ADD2: variants seen among roughly 807,000 people sequenced by gnomAD.
ADD2 encodes the protein adducin 2, also known as beta-adducin.
Under a neutral mutation model 83.0 loss-of-function variants are expected in ADD2, and 23 were observed. That is an observed-to-expected ratio of 0.28 (90% CI 0.20 to 0.39). ADD2 has a LOEUF of 0.39. Among genes scored for constraint, ADD2 ranks in the 10% least tolerant of loss-of-function variants. The probability of loss-of-function intolerance (pLI) is 1.00; values close to 1 mark genes in which losing one functional copy is unlikely to be tolerated. For missense variants in ADD2, 758 were observed against 944.9 expected (o/e 0.80, Z 2.59); for synonymous variants, 375 against 375.4 (o/e 1.00, Z 0.01).
chr2:70,721,748 A>G (rs540724146), intron 1 of ADD2, among the ~76,000 whole-genome samples: 10 of 152,250 alleles, frequency 6.6e-5, no homozygotes, highest in Admixed American at 2.0e-4. Context: ...GATTAGTCCA[A>G]TTAAAATTAG....
At chr2:70,760,777 A>G (rs1485454369) in intron 1 of ADD2, 3 of 152,090 alleles carry the variant, frequency 2.0e-5, no homozygotes, top group Non-Finnish European at 4.4e-5. Flanking sequence ...CCTTTCCTAT[A>G]TCTGTGTTAT....
intron 1 of ADD2, among the ~76,000 whole-genome samples, chr2:70,715,598 G>GGGCA (rs1301682000): frequency 1.3e-5 from 2 of 152,146 alleles, no homozygotes; most frequent in Admixed American, 1.3e-4. Flanking sequence ...GCAGGAGTTA[G>GGGCA]GGCAGTACAT....
intron 6 of ADD2, among the ~76,000 whole-genome samples, chr2:70,693,916 C>T (rs546678269): frequency 2.8e-4 from 42 of 152,310 alleles, no homozygotes; most frequent in African/African-American, 8.9e-4. Context: ...AGCAGGTACC[C>T]CCTCTTGAGG....
intron 1 of ADD2, among the ~76,000 whole-genome samples, chr2:70,749,896 T>C (rs1674421142): frequency 6.6e-6 from 1 of 152,216 alleles, no homozygotes; most frequent in African/African-American, 2.4e-5. Context: ...AATAAGTCCC[T>C]ATTTGGCTAA....
In ADD2 at chr2:70,675,764, C is replaced by T. The variant is rs1197513212; in HGVS notation, c.1594-939G>A. Reference sequence around the variant, plus strand: ...CCACAGTAGGCCTAATGTAGGGAATCATGGAGTCAACCGAGAATCCAAGAC... The same window carrying T: ...CCACAGTAGGCCTAATGTAGGGAATTATGGAGTCAACCGAGAATCCAAGAC... On this transcript the variant is annotated intron_variant, in intron 13 of 15. Transcript: ENST00000264436. 4 of 985,330 alleles carry T rather than the reference C, an allele frequency of 4.1e-6. No individual in the cohort carries two copies. The Admixed American group carries it at 2.5e-4, about 61-fold the overall frequency. 61.0% of individuals were successfully genotyped at this position (985,330 alleles called of 1,614,324 possible). A position where few individuals can be genotyped will look rare whatever the true frequency, so the allele number is the denominator to read the frequency against.
intron 4 of ADD2, among the ~76,000 whole-genome samples, chr2:70,699,418 A>T (rs1372011850): frequency 3.9e-5 from 6 of 152,212 alleles, no homozygotes; most frequent in Non-Finnish European, 8.8e-5. Context: ...GAACCAAAAA[A>T]ATTGGCTATC....
At chr2:70,688,374 C>T (rs911558563) in intron 8 of ADD2, among the ~76,000 whole-genome samples, 42 of 152,196 alleles carry the variant, frequency 2.8e-4, no homozygotes, top group African/African-American at 8.9e-4. Context: ...CTTTAGGCAA[C>T]GCCTGGGTTT....
rs201268321 is a variant in ADD2, at chr2:70,713,120, AC to A, written c.-90del. On this transcript the variant is annotated 5_prime_UTR_variant, in exon 2 of 16. An upstream open reading frame in the 5' UTR loses its in-frame stop. Coordinates refer to ENST00000264436, the MANE Select transcript of ADD2 (RefSeq NM_001617.4). ...TCCTTCTGTTCACTGCTCAGTCTGC[AC>A]CCCCTAGCTCCACTCTCAAGGGTGC... The A allele has an allele frequency of 1.0e-3, 1,008 of 985,352 alleles. 7 individuals carry two copies. The African/African-American group carries it at 0.016, about 16-fold the overall frequency. The allele number at this position is 985,352 out of a possible 1,614,324, so 61.0% of individuals were successfully genotyped here.
intron 1 of ADD2, among the ~76,000 whole-genome samples, chr2:70,725,233 T>C (rs542522056): frequency 1.3e-5 from 2 of 152,272 alleles, no homozygotes; most frequent in Non-Finnish European, 2.9e-5. Context: ...AGAAGAAGCA[T>C]TCAATAATGC....
intron 1 of ADD2, among the ~76,000 whole-genome samples, chr2:70,736,485 G>C (rs1673567795): frequency 1.3e-5 from 2 of 152,208 alleles, no homozygotes; most frequent in Non-Finnish European, 2.9e-5. Context: ...GAATTTTTAA[G>C]TATTTTTGCA....
In ADD2 at chr2:70,663,569, G is replaced by A; in HGVS notation, c.2037C>T (p.Thr679=). ...MTTSADTDVD[T]SKDKTESVTS... The stretch of plus-strand genomic sequence containing the variant: ...TGACCGACTCGGTTTTGTCCTTAGA[G>A]GTATCAACATCCGTGTCAGCACTGG... The change falls in exon 16 of 16, where the codon ACC becomes ACT. Residue 679 remains threonine (T), a synonymous_variant. Coordinates refer to ENST00000264436, the MANE Select transcript of ADD2 (RefSeq NM_001617.4). 2 of 1,614,172 alleles carry A rather than the reference G, an allele frequency of 1.2e-6. No individual in the cohort carries two copies. The highest frequency in any genetic ancestry group is 2.2e-5 in the South Asian group (2 of 91,088).
At chr2:70,671,750 G>A (rs1669903941) in intron 15 of ADD2, among the ~76,000 whole-genome samples, 1 of 152,204 alleles carries the variant, frequency 6.6e-6, no homozygotes, top group South Asian at 2.1e-4. Flanking sequence ...GCAACACTGG[G>A]CCTGCACAGG....
At chr2:70,663,992 T>C (rs559296282) in intron 15 of ADD2, among the ~76,000 whole-genome samples, 37 of 152,200 alleles carry the variant, frequency 2.4e-4, no homozygotes, top group African/African-American at 4.8e-4. Flanking sequence ...TTTAGATGGA[T>C]ATTAATGTCT....
At position 70,663,131 on chromosome 2, in the gene ADD2, C is replaced by T; in HGVS notation, c.*294G>A. The T allele has an allele frequency of 3.2e-6, 1 of 311,138 alleles. No homozygotes were observed. Among genetic ancestry groups the T allele is most frequent in the Non-Finnish European group, 5.9e-6 (1 of 168,106 alleles). The allele number at this position is 311,138 out of a possible 1,614,324, so 19.3% of individuals were successfully genotyped here. On this transcript the variant is annotated 3_prime_UTR_variant, in exon 16 of 16. Coordinates refer to ENST00000264436, the MANE Select transcript of ADD2 (RefSeq NM_001617.4). ...GTGGACAGCATCCAAACAAAGGCAG[C>T]CCACAACTAGGCAGTGTTGTGTAGT...
At chr2:70,726,004 G>A (rs1231776712) in intron 1 of ADD2, among the ~76,000 whole-genome samples, 2 of 151,622 alleles carry the variant, frequency 1.3e-5, no homozygotes, top group African/African-American at 2.4e-5. Flanking sequence ...CGGCTAAAAC[G>A]GTGAAACCCC....
intron 1 of ADD2, among the ~76,000 whole-genome samples, chr2:70,736,991 C>A (rs1417935156): frequency 6.6e-6 from 1 of 152,078 alleles, no homozygotes; most frequent in African/African-American, 2.4e-5. Flanking sequence ...TCATCAATGG[C>A]CATCAGAGAA....
rs150803049 is a variant in ADD2 at position 70,762,611 on chromosome 2, T to C, written c.-154+5275A>G. Among the ~76,000 whole-genome samples, 884 of 149,522 alleles carry C rather than the reference T, an allele frequency of 5.9e-3. 32 individuals carry two copies. The highest frequency in any genetic ancestry group is 0.02 in the African/African-American group (826 of 40,790). ...GTTTATATATATAATTACATAATTATATATCAAATAAATATATAAATATAA... is the reference window on the plus strand; with the variant it reads ...GTTTATATATATAATTACATAATTACATATCAAATAAATATATAAATATAA... On this transcript the variant is annotated intron_variant, in intron 1 of 15. Coordinates refer to ENST00000264436, the MANE Select transcript of ADD2 (RefSeq NM_001617.4).
At chr2:70,668,685 G>A (rs1669779797) in intron 15 of ADD2, among the ~76,000 whole-genome samples, 1 of 152,180 alleles carries the variant, frequency 6.6e-6, no homozygotes, top group Non-Finnish European at 1.5e-5. Context: ...GGGCTCTTCT[G>A]TGGCCGTGCA....
At chr2:70,669,017 G>A (rs1553366646) in intron 15 of ADD2, among the ~76,000 whole-genome samples, 1 of 152,164 alleles carries the variant, frequency 6.6e-6, no homozygotes, top group Non-Finnish European at 1.5e-5. Flanking sequence ...TGCATAGAGA[G>A]GTCATAGAGA....
Sources: allele counts gnomAD v4.1 joint callset (sites outside exome capture counted in the v4.1 genomes callset), GRCh38; gene constraint gnomAD v4.1.1; transcripts MANE v1.5; gene names NCBI Gene and HGNC (gene_info 2026-07-23, HGNC 2026-07-21).